Variants in NUBPL observed in about 807,000 individuals in gnomAD.
NUBPL encodes iron-sulfur cluster transfer protein NUBPL.
Under a neutral mutation model 45.7 loss-of-function variants are expected in NUBPL, and 31 were observed. That is an observed-to-expected ratio of 0.68 (90% CI 0.51 to 0.92). NUBPL has a LOEUF of 0.92. Ranked by LOEUF, NUBPL falls within the 40% of genes least tolerant of loss-of-function variation. NUBPL has a pLI of 0.00. For synonymous variants in NUBPL, 144 were observed against 140.9 expected (o/e 1.02, Z -0.15); for missense variants, 401 against 398.7 (o/e 1.01, Z -0.05).
chr14:31,625,343 T>G (rs1397567854), intron 4 of NUBPL, among the ~76,000 whole-genome samples: 1 of 152,192 alleles, frequency 6.6e-6, no homozygotes, highest in Non-Finnish European at 1.5e-5. Flanking sequence ...ACATTGTGCT[T>G]CTCGAAGCAA....
At chr14:31,732,609 C>CTTTTTTTTTTTTTTTTTT (rs71986817) in intron 6 of NUBPL, among the ~76,000 whole-genome samples, 1 of 81,036 alleles carries the variant, frequency 1.2e-5, no homozygotes, top group Non-Finnish European at 2.3e-5. Flanking sequence ...AATTTGTTCT[C>CTTTTTTTTTTTTTTTTTT]TTTTTTTTTT....
At chr14:31,789,219 G>A (rs1046500005) in intron 7 of NUBPL, among the ~76,000 whole-genome samples, 6 of 152,030 alleles carry the variant, frequency 3.9e-5, no homozygotes, top group African/African-American at 1.2e-4. Flanking sequence ...CCAGCTACTC[G>A]GGAGGCTGAG....
At chr14:31,635,496 TGTA>T (rs1196187110) in intron 4 of NUBPL, among the ~76,000 whole-genome samples, 1 of 152,022 alleles carries the variant, frequency 6.6e-6, no homozygotes, top group Non-Finnish European at 1.5e-5. Flanking sequence ...ACTGTAGCCT[TGTA>T]GTATAGTTTG....
intron 7 of NUBPL, among the ~76,000 whole-genome samples, chr14:31,820,552 G>A (rs1196353290): frequency 2.6e-5 from 4 of 152,294 alleles, no homozygotes; most frequent in East Asian, 1.9e-4. Flanking sequence ...GGCCGTGTGC[G>A]GTGGTGCACG....
intron 6 of NUBPL, among the ~76,000 whole-genome samples, chr14:31,688,646 G>GTTTTT (rs1324079141): frequency 1.2e-3 from 124 of 100,596 alleles, no homozygotes; most frequent in African/African-American, 7.6e-3. Context: ...GCCTGAACAG[G>GTTTTT]TTTTTGTTGT....
intron 6 of NUBPL, among the ~76,000 whole-genome samples, chr14:31,724,236 A>T (rs548916086): frequency 3.8e-4 from 58 of 152,328 alleles, no homozygotes; most frequent in Non-Finnish European, 6.6e-4. Context: ...CCTGAAAAAA[A>T]TTTGAAGAAG....
intron 3 of NUBPL, among the ~76,000 whole-genome samples, chr14:31,581,916 A>G (rs7154174): frequency 0.31 from 46,570 of 152,106 alleles, 7,758 homozygotes; most frequent in South Asian, 0.4. Context: ...ATATTCTAAG[A>G]TGTACACAAA....
rs17483942 is a variant in NUBPL at position 31,787,505 on chromosome 14, A to G, written c.514-275A>G. On this transcript the variant is annotated intron_variant, in intron 6 of 10. Coordinates refer to ENST00000281081, the MANE Select transcript of NUBPL (RefSeq NM_025152.3). ...TAAAAATAAGTGAATGGTCCTGAAT[A>G]GAAGCCTACTGAGAAGTGAGTTCAA... is the stretch of plus-strand genomic sequence containing the variant. Among the ~76,000 whole-genome samples the G allele has an allele frequency of 0.35, 53,113 of 151,998 alleles. 10,489 individuals carry two copies. The highest frequency in any genetic ancestry group is 0.44 in the South Asian group (2,123 of 4,814).
intron 6 of NUBPL, among the ~76,000 whole-genome samples, chr14:31,753,796 T>A (rs1259021548): frequency 6.6e-6 from 1 of 152,196 alleles, no homozygotes; most frequent in Non-Finnish European, 1.5e-5. Flanking sequence ...AGGGTTTTTG[T>A]CACTTCCTTG....
intron 7 of NUBPL, among the ~76,000 whole-genome samples, chr14:31,817,100 A>G (rs764840248): frequency 1.6e-4 from 25 of 152,090 alleles, no homozygotes; most frequent in Non-Finnish European, 2.9e-4. Context: ...GATCAACTTA[A>G]TGAAATAAAG....
At chr14:31,664,206 C>G (rs1039817719) in intron 4 of NUBPL, among the ~76,000 whole-genome samples, 10 of 152,144 alleles carry the variant, frequency 6.6e-5, no homozygotes, top group Admixed American at 3.3e-4. Context: ...TTCCTCTCTT[C>G]CTATTTGAAT....
At chr14:31,802,815 A>T (rs1446862259) in intron 7 of NUBPL, among the ~76,000 whole-genome samples, 2 of 152,236 alleles carry the variant, frequency 1.3e-5, no homozygotes, top group Admixed American at 6.5e-5. Context: ...CCCTGCTGAT[A>T]GAAGGAAAGC....
intron 3 of NUBPL, among the ~76,000 whole-genome samples, chr14:31,573,367 C>CA (rs1308478960): frequency 6.6e-6 from 1 of 152,136 alleles, no homozygotes; most frequent in Non-Finnish European, 1.5e-5. Flanking sequence ...GGTTACTAGT[C>CA]ACGTGCCTTT....
intron 6 of NUBPL, among the ~76,000 whole-genome samples, chr14:31,783,489 T>C (rs1460752109): frequency 6.6e-6 from 1 of 151,986 alleles, no homozygotes. Context: ...AAGTATTTTT[T>C]GTTCCTTGGA....
intron 7 of NUBPL, among the ~76,000 whole-genome samples, chr14:31,820,485 G>T (rs113760256): frequency 6.6e-6 from 1 of 152,092 alleles, no homozygotes; most frequent in Non-Finnish European, 1.5e-5. Context: ...CTGTTAAGTC[G>T]AATGATACAG....
intron 9 of NUBPL, among the ~76,000 whole-genome samples, chr14:31,849,094 A>G (rs1266447020): frequency 6.6e-6 from 1 of 152,212 alleles, no homozygotes; most frequent in East Asian, 1.9e-4. Context: ...TTGAGGACTT[A>G]TAGTTTAAGA....
intron 6 of NUBPL, among the ~76,000 whole-genome samples, chr14:31,757,707 G>A (rs2038701794): frequency 6.6e-6 from 1 of 152,046 alleles, no homozygotes; most frequent in African/African-American, 2.4e-5. Flanking sequence ...TTCATGTACT[G>A]TTTATTCTTT....
At position 31,859,371 on chromosome 14, in the gene NUBPL, A is replaced by T; in HGVS notation, c.*191A>T. Reference sequence around the variant, plus strand: ...TTGATGTATCAATGTTAACTGCTATATTTAGGAATTTTTTGAAAGCTGGTG... The same window carrying T: ...TTGATGTATCAATGTTAACTGCTATTTTTAGGAATTTTTTGAAAGCTGGTG... On this transcript the variant is annotated 3_prime_UTR_variant, in exon 11 of 11. Coordinates refer to ENST00000281081, the MANE Select transcript of NUBPL (RefSeq NM_025152.3). The T allele has an allele frequency of 5.0e-6, 3 of 603,410 alleles. No homozygotes were observed. Among genetic ancestry groups the T allele is most frequent in the Non-Finnish European group, 8.9e-6 (3 of 335,346 alleles). 37.4% of individuals were successfully genotyped at this position (603,410 alleles called of 1,614,324 possible).
intron 6 of NUBPL, among the ~76,000 whole-genome samples, chr14:31,737,646 T>C (rs2139991884): frequency 6.6e-6 from 1 of 152,218 alleles, no homozygotes; most frequent in East Asian, 1.9e-4. Context: ...TAGCCGGGCA[T>C]GGTGGCAGGT....
Sources: allele counts gnomAD v4.1 joint callset (sites outside exome capture counted in the v4.1 genomes callset), GRCh38; gene constraint gnomAD v4.1.1; transcripts MANE v1.5; gene names NCBI Gene and HGNC (gene_info 2026-07-23, HGNC 2026-07-21).